The following IL34 variants were observed in gnomAD, a reference collection of about 807,000 sequenced individuals.
The protein encoded by IL34 is interleukin 34.
In IL34, 17 loss-of-function variants were observed where a neutral mutation model predicts 25.3. The ratio of observed to expected loss-of-function variants is 0.67; its 90% CI spans 0.46 to 1.01. The LOEUF is 1.01. Ranked by LOEUF, IL34 falls within the 50% of genes least tolerant of loss-of-function variation. IL34 has a pLI of 0.00. For synonymous variants in IL34, 174 were observed against 140.9 expected, an observed-to-expected ratio of 1.23 and a Z score of -1.66; for missense variants, 368 against 312.9, an observed-to-expected ratio of 1.18 and a Z score of -1.33.
At chr16:70,618,566 T>C (rs1428592195) in intron 1 of IL34, among the ~76,000 whole-genome samples, 2 of 152,234 alleles carry the variant, frequency 1.3e-5, no homozygotes, top group African/African-American at 4.8e-5. Flanking sequence ...CGGCAGCCGC[T>C]GCACGCAGAC....
At chr16:70,588,578 A>G (rs2050719354) in intron 1 of IL34, among the ~76,000 whole-genome samples, 1 of 152,216 alleles carries the variant, frequency 6.6e-6, no homozygotes, top group Non-Finnish European at 1.5e-5. Flanking sequence ...AACTAAAAGC[A>G]GAGTCTCAAA....
intron 1 of IL34, among the ~76,000 whole-genome samples, chr16:70,631,127 A>G (rs2051508953): frequency 2.0e-5 from 3 of 152,240 alleles, no homozygotes; most frequent in Admixed American, 2.0e-4. Context: ...TGTTATATTA[A>G]GAAGTTTCCT....
At chr16:70,655,188 G>T (rs1220663657) in intron 2 of IL34, among the ~76,000 whole-genome samples, 1 of 151,676 alleles carries the variant, frequency 6.6e-6, no homozygotes, top group Non-Finnish European at 1.5e-5. Context: ...GAGTAGCTGG[G>T]ACTACAGGTG....
chr16:70,588,249 G>T (rs1387709201), intron 1 of IL34, among the ~76,000 whole-genome samples: 1 of 152,122 alleles, frequency 6.6e-6, no homozygotes, highest in African/African-American at 2.4e-5. Flanking sequence ...ACTTTGGGAG[G>T]CTGAGGTGGG....
chr16:70,626,630 A>T (rs1300758205), intron 1 of IL34, among the ~76,000 whole-genome samples: 1 of 152,200 alleles, frequency 6.6e-6, no homozygotes, highest in Non-Finnish European at 1.5e-5. Context: ...TCCTGACCTC[A>T]GGTGATCTGC....
chr16:70,644,928 AAGG>A (rs1470377767), upstream of IL34, among the ~76,000 whole-genome samples: 1 of 32,872 alleles, frequency 3.0e-5, no homozygotes, highest in Non-Finnish European at 5.2e-5. Flanking sequence ...AAGGAGGAGG[AAGG>A]AGGAAGAGGA....
chr16:70,656,890 C>T (rs1597782716), intron 3 of IL34, 70 bp from the exon 4 acceptor site: 1 of 1,518,850 alleles, frequency 6.6e-7, no homozygotes, highest in East Asian at 2.3e-5. Context: ...GGGCAAGTCC[C>T]TGGTGAGGGA....
intron 1 of IL34, among the ~76,000 whole-genome samples, chr16:70,638,982 G>A (rs1050272485): frequency 6.6e-6 from 1 of 152,348 alleles, no homozygotes; most frequent in African/African-American, 2.4e-5. Flanking sequence ...CAGGGGTGTT[G>A]TGGTAGACAC....
chr16:70,647,015 C>G (rs955605034), intron 1 of IL34, 40 bp downstream of exon 1: 2 of 1,432,232 alleles, frequency 1.4e-6, no homozygotes, highest in African/African-American at 1.5e-5. Flanking sequence ...CATTGGGAGG[C>G]CTTGGCCTAG....
intron 1 of IL34, among the ~76,000 whole-genome samples, chr16:70,623,969 C>G (rs985204198): frequency 3.7e-5 from 5 of 135,850 alleles, no homozygotes. Flanking sequence ...AGGCGACGGA[C>G]TTACCTTCCA....
chr16:70,650,993 G>A (rs1005420201), intron 1 of IL34, among the ~76,000 whole-genome samples: 23 of 152,182 alleles, frequency 1.5e-4, no homozygotes, highest in Admixed American at 2.6e-4. Flanking sequence ...AGTGGATCAC[G>A]AGGTCAGGAG....
chr16:70,659,757 A>C lies in IL34; in HGVS notation c.538+4A>C. The C allele has an allele frequency of 6.3e-7, 1 of 1,589,342 alleles. No homozygotes were observed. Among genetic ancestry groups the C allele is most frequent in the Non-Finnish European group, 8.6e-7 (1 of 1,163,752 alleles). On this transcript the variant is annotated splice_donor_region_variant and intron_variant, in intron 5 of 5. Transcript: ENST00000288098. ...GAGCTGCTGTACTGCTCCTGCTGTA[A>C]GGAGCTCTCAGGGGATGGCGCCTGG...
chr16:70,624,782 G>A (rs2051355093), intron 1 of IL34, among the ~76,000 whole-genome samples: 1 of 151,992 alleles, frequency 6.6e-6, no homozygotes, highest in African/African-American at 2.4e-5. Flanking sequence ...GGATTATAGG[G>A]TGGAGGAGGG....
upstream of IL34, among the ~76,000 whole-genome samples, chr16:70,646,024 G>T (rs984715901): frequency 6.6e-6 from 1 of 152,126 alleles, no homozygotes; most frequent in Non-Finnish European, 1.5e-5. Flanking sequence ...CTGCACTACA[G>T]CCTGGATGAC....
At chr16:70,656,800 C>A in intron 3 of IL34, 121 bp downstream of exon 3, 1 of 1,010,566 alleles carries the variant, frequency 9.9e-7, no homozygotes, top group Non-Finnish European at 1.6e-6. Context: ...TCCTCAGCCC[C>A]GAGAGCAGGC....
chr16:70,603,291 T>C (rs544561472), intron 1 of IL34, among the ~76,000 whole-genome samples: 1 of 140,512 alleles, frequency 7.1e-6, no homozygotes, highest in African/African-American at 2.7e-5. Context: ...TTGTTATTAT[T>C]TTTTTGAAAT....
At position 70,654,635 on chromosome 16, in the gene IL34, G is replaced by A. The variant is rs2052167249; in HGVS notation, c.126G>A (p.Arg42=). ...NEECTVTGFL[R]DKLQYRSRLQ... ...AGTGCACTGTCACGGGTTTTCTGCG[G>A]GACAAGCTGCAGTACAGGAGCCGAC... Residue 42 remains arginine (R), a synonymous_variant, in exon 2 of 6, where the codon CGG becomes CGA. Transcript: ENST00000288098. 1 of 1,613,104 alleles carries A rather than the reference G, an allele frequency of 6.2e-7. No individual in the cohort carries two copies. The highest frequency in any genetic ancestry group is 8.5e-7 in the Non-Finnish European group (1 of 1,179,272).
chr16:70,595,579 C>T (rs922588437), intron 1 of IL34, among the ~76,000 whole-genome samples: 4 of 151,992 alleles, frequency 2.6e-5, no homozygotes, highest in African/African-American at 9.7e-5. Flanking sequence ...CAACCTCCCA[C>T]AGTGCTGGGA....
At chr16:70,595,061 TCTC>T (rs1451551290) in intron 1 of IL34, among the ~76,000 whole-genome samples, 1 of 151,476 alleles carries the variant, frequency 6.6e-6, no homozygotes, top group Non-Finnish European at 1.5e-5. Context: ...TTCAAGCAAT[TCTC>T]CTGCCTCAGG....
Sources: gnomAD v4.1 joint callset for allele counts (sites outside exome capture counted in the v4.1 genomes callset) on GRCh38, gnomAD v4.1.1 for gene constraint, MANE v1.5 for transcripts, NCBI Gene and HGNC (gene_info 2026-07-23, HGNC 2026-07-21) for gene names.